Variants in ARHGEF26 observed in about 807,000 individuals in gnomAD.
ARHGEF26 encodes Rho guanine nucleotide exchange factor 26.
In ARHGEF26, 59 loss-of-function variants were observed where a neutral mutation model predicts 89.4. That is an observed-to-expected ratio of 0.66 (90% confidence interval 0.54 to 0.82). The LOEUF (loss-of-function observed/expected upper bound fraction) is 0.82. Among genes scored for constraint, ARHGEF26 ranks in the 40% least tolerant of loss-of-function variants. The pLI, the probability that ARHGEF26 is intolerant of heterozygous loss-of-function variation, is 0.00. For missense variants in ARHGEF26, 1,234 were observed against 1,085.6 expected, an observed-to-expected ratio of 1.14 and a Z score of -1.92; for synonymous variants, 500 against 428.4, an observed-to-expected ratio of 1.17 and a Z score of -2.06.
At chr3:154,171,427 T>C (rs1311917927) in intron 6 of ARHGEF26, among the ~76,000 whole-genome samples, 1 of 152,212 alleles carries the variant, frequency 6.6e-6, no homozygotes, top group East Asian at 1.9e-4. Context: ...CTACACTCTA[T>C]GGGATGGATA....
intron 6 of ARHGEF26, among the ~76,000 whole-genome samples, chr3:154,173,456 A>G (rs568787501): frequency 6.6e-6 from 1 of 152,302 alleles, no homozygotes; most frequent in Admixed American, 6.5e-5. Context: ...TCAATTAATT[A>G]CAGTTCTTAC....
chr3:154,125,513 T>G (rs976538462), intron 3 of ARHGEF26, among the ~76,000 whole-genome samples: 7 of 152,148 alleles, frequency 4.6e-5, no homozygotes, highest in Non-Finnish European at 1.0e-4. Context: ...AGGACACAGA[T>G]CGAGTTCTTA....
At chr3:154,217,787 T>C (rs1400687456) in intron 9 of ARHGEF26, 82 bp from the exon 10 acceptor site, 2 of 1,080,326 alleles carry the variant, frequency 1.9e-6, no homozygotes, top group Non-Finnish European at 2.8e-6. Flanking sequence ...CAAGTGGTAA[T>C]TATTTCCTGT....
At chr3:154,218,003 T>C in intron 10 of ARHGEF26, 45 bp downstream of exon 10, 1 of 1,502,662 alleles carries the variant, frequency 6.7e-7, no homozygotes. Context: ...TATGTTTTTC[T>C]CTAAATAGAG....
chr3:154,220,631 C>T (rs1411633640), intron 10 of ARHGEF26, among the ~76,000 whole-genome samples: 1 of 152,040 alleles, frequency 6.6e-6, no homozygotes, highest in Non-Finnish European at 1.5e-5. Context: ...GCAAACACTC[C>T]TGCGGACAGC....
intron 4 of ARHGEF26, among the ~76,000 whole-genome samples, chr3:154,139,220 T>G (rs1288489745): frequency 6.6e-6 from 1 of 152,140 alleles, no homozygotes; most frequent in Non-Finnish European, 1.5e-5. Flanking sequence ...CTTGATCTCC[T>G]TTGTGGGTTT....
At chr3:154,215,012 G>A (rs7620813) in intron 9 of ARHGEF26, among the ~76,000 whole-genome samples, 1,579 of 152,286 alleles carry the variant, frequency 0.01, 21 homozygotes, top group African/African-American at 0.036. Flanking sequence ...ATATATTGGG[G>A]AAAGTCCATA....
At chr3:154,238,947 A>C (rs1717286608) in intron 11 of ARHGEF26, among the ~76,000 whole-genome samples, 1 of 152,136 alleles carries the variant, frequency 6.6e-6, no homozygotes, top group Non-Finnish European at 1.5e-5. Context: ...TTGTAGAGTC[A>C]ATGGGTTGTA....
In ARHGEF26 at chr3:154,256,967, C is replaced by A. The variant is rs1244818888; in HGVS notation, c.*1494C>A. ...TGATTTTTACTGGCAGCTATATTCC[C>A]TCTCTGTTCTATTTGCTTTAACAAA... On this transcript the variant is annotated 3_prime_UTR_variant, in exon 15 of 15. Transcript: ENST00000465093. 2.6e-6 allele frequency: 4 copies of A among 1,528,004 alleles called. No individual in the cohort carries two copies. The highest frequency in any genetic ancestry group is 3.5e-6 in the Non-Finnish European group (4 of 1,143,722). The allele number at this position is 1,528,004 out of a possible 1,614,324, so 94.7% of individuals were successfully genotyped here. A position where few individuals can be genotyped will look rare whatever the true frequency, so the allele number is the denominator to read the frequency against.
chr3:154,200,968 T>A (rs1288975743), intron 9 of ARHGEF26, among the ~76,000 whole-genome samples: 1 of 151,458 alleles, frequency 6.6e-6, no homozygotes, highest in African/African-American at 2.4e-5. Context: ...ATTTGTTTAT[T>A]CTGATAGTTT....
chr3:154,162,758 G>A (rs751101452), intron 6 of ARHGEF26, among the ~76,000 whole-genome samples: 11 of 152,156 alleles, frequency 7.2e-5, no homozygotes, highest in Non-Finnish European at 1.2e-4. Context: ...CACTTACCTC[G>A]CCCCCTGAGC....
intron 10 of ARHGEF26, 79 bp downstream of exon 10, chr3:154,218,037 T>A: frequency 1.6e-6 from 2 of 1,264,032 alleles, no homozygotes; most frequent in South Asian, 1.4e-5. Context: ...GGCAACAAAG[T>A]AGATAGGAAA....
chr3:154,216,221 A>C (rs994841391), intron 9 of ARHGEF26, among the ~76,000 whole-genome samples: 13 of 151,782 alleles, frequency 8.6e-5, no homozygotes, highest in African/African-American at 3.1e-4. Context: ...ATGGCAAATG[A>C]CTCTAATATG....
chr3:154,211,310 A>G (rs1035050907), intron 9 of ARHGEF26, among the ~76,000 whole-genome samples: 2 of 152,160 alleles, frequency 1.3e-5, no homozygotes, highest in Admixed American at 6.6e-5. Context: ...TGAGAACTCA[A>G]GTTCAGACTG....
chr3:154,208,076 A>T (rs1715141900), intron 9 of ARHGEF26, among the ~76,000 whole-genome samples: 1 of 152,116 alleles, frequency 6.6e-6, no homozygotes, highest in African/African-American at 2.4e-5. Context: ...GAAACAACAT[A>T]CACTGGGGCC....
intron 11 of ARHGEF26, among the ~76,000 whole-genome samples, chr3:154,239,810 A>G (rs1042595647): frequency 6.6e-6 from 1 of 152,116 alleles, no homozygotes; most frequent in Non-Finnish European, 1.5e-5. Flanking sequence ...CTAAGCAGGA[A>G]TGGAGGGCAT....
intron 10 of ARHGEF26, among the ~76,000 whole-genome samples, chr3:154,218,514 A>T (rs1715920767): frequency 6.6e-6 from 1 of 152,258 alleles, no homozygotes; most frequent in Non-Finnish European, 1.5e-5. Flanking sequence ...ATGACAGCTA[A>T]TGGCAAATCT....
chr3:154,200,441 C>A (rs1442119174), intron 9 of ARHGEF26, among the ~76,000 whole-genome samples: 2 of 152,054 alleles, frequency 1.3e-5, no homozygotes, highest in East Asian at 3.9e-4. Flanking sequence ...ATGCCAGTAC[C>A]ATGCTGTCTT....
Position 154,256,548 on chromosome 3 carries a change from T to TTA in ARHGEF26, c.*1075_*1076insTA, listed in dbSNP as rs1553754121. On this transcript the variant is annotated 3_prime_UTR_variant, in exon 15 of 15. Transcript: ENST00000465093. ...GTGCCCAGCCTACTTTCTAATTAAT[T>TTA]AAAAAAAAAAAAAAAAAAAAAAAAA... The TTA allele has an allele frequency of 2.1e-5, 14 of 651,952 alleles. No individual in the cohort carries two copies. The highest frequency in any genetic ancestry group is 4.6e-4 in the East Asian group (2 of 4,318). 40.4% of individuals were successfully genotyped at this position (651,952 alleles called of 1,614,324 possible). A position where few individuals can be genotyped will look rare whatever the true frequency, so the allele number is the denominator to read the frequency against.
Sources: allele counts gnomAD v4.1 joint callset (sites outside exome capture counted in the v4.1 genomes callset), GRCh38; gene constraint gnomAD v4.1.1; transcripts MANE v1.5; gene names NCBI Gene and HGNC (gene_info 2026-07-23, HGNC 2026-07-21).